The following PDZRN4 variants were observed in gnomAD, a reference collection of about 807,000 sequenced individuals.
PDZRN4 encodes the protein PDZ domain-containing RING finger protein 4.
Under a neutral mutation model 99.0 loss-of-function variants are expected in PDZRN4, and 70 were observed. The ratio of observed to expected loss-of-function variants is 0.71; its 90% CI spans 0.58 to 0.86. PDZRN4 has a LOEUF of 0.86. PDZRN4 is among the 40% of genes least tolerant of loss of function. The pLI is 0.00. For synonymous variants in PDZRN4, 551 were observed against 501.6 expected (o/e 1.10, Z -1.32); for missense variants, 1,474 against 1,331.2 (o/e 1.11, Z -1.67).
intron 3 of PDZRN4, among the ~76,000 whole-genome samples, chr12:41,211,630 A>G (rs1263342308): frequency 6.6e-6 from 1 of 151,972 alleles, no homozygotes; most frequent in Non-Finnish European, 1.5e-5. Flanking sequence ...AAGGAAATTC[A>G]GGAAGAAGAC....
rs151337300 is a variant in PDZRN4 at position 41,548,814 on chromosome 12, C to T, written c.1204-3842C>T. Among the ~76,000 whole-genome samples the T allele has an allele frequency of 1.6e-3, 239 of 152,152 alleles. 1 individual carries two copies. Among genetic ancestry groups the T allele is most frequent in the Non-Finnish European group, 1.6e-3 (107 of 67,982 alleles). ...ACAAAAAAATATAAAAATTTCACAC[C>T]GCTGGAGTACAACCAATGTATGTAA... On this transcript the variant is annotated intron_variant, in intron 5 of 9. Coordinates refer to ENST00000402685, the MANE Select transcript of PDZRN4 (RefSeq NM_001164595.2).
chr12:41,496,887 G>A (rs927077793), intron 3 of PDZRN4, among the ~76,000 whole-genome samples: 5 of 152,058 alleles, frequency 3.3e-5, no homozygotes, highest in African/African-American at 7.2e-5. Flanking sequence ...CATTCAGTGC[G>A]TTTTGTACAG....
intron 3 of PDZRN4, among the ~76,000 whole-genome samples, chr12:41,470,922 G>A (rs2733275): frequency 0.54 from 82,150 of 152,058 alleles, 23,303 homozygotes; most frequent in African/African-American, 0.73. Context: ...AGCCATAGCA[G>A]CCATAGACAA....
chr12:41,392,459 T>C (rs1952216556), intron 3 of PDZRN4, among the ~76,000 whole-genome samples: 1 of 152,218 alleles, frequency 6.6e-6, no homozygotes, highest in Non-Finnish European at 1.5e-5. Flanking sequence ...TTTCACTAAC[T>C]TGATGTCTTA....
At chr12:41,379,530 G>T (rs779649424) in intron 3 of PDZRN4, among the ~76,000 whole-genome samples, 2 of 151,048 alleles carry the variant, frequency 1.3e-5, no homozygotes, top group African/African-American at 2.4e-5. Flanking sequence ...GAACATTTTT[G>T]CTGCATTCCA....
intron 3 of PDZRN4, among the ~76,000 whole-genome samples, chr12:41,468,755 C>T (rs1192464594): frequency 6.6e-6 from 1 of 152,144 alleles, no homozygotes; most frequent in East Asian, 1.9e-4. Flanking sequence ...AATTAAATGT[C>T]CTTTGTAATC....
intron 3 of PDZRN4, among the ~76,000 whole-genome samples, chr12:41,376,738 T>C (rs1952084522): frequency 6.6e-6 from 1 of 152,178 alleles, no homozygotes; most frequent in African/African-American, 2.4e-5. Context: ...TTTGATATCG[T>C]CCACTTACTT....
intron 3 of PDZRN4, among the ~76,000 whole-genome samples, chr12:41,280,658 T>C (rs1394881068): frequency 6.6e-6 from 1 of 152,202 alleles, no homozygotes; most frequent in Non-Finnish European, 1.5e-5. Context: ...AGACTGCCTC[T>C]CTAGAGTCCT....
At chr12:41,335,388 A>G (rs928637250) in intron 3 of PDZRN4, among the ~76,000 whole-genome samples, 1 of 151,942 alleles carries the variant, frequency 6.6e-6, no homozygotes, top group African/African-American at 2.4e-5. Context: ...TACATTAGGT[A>G]TTTGCTATCA....
chr12:41,397,088 G>A (rs1029234515), intron 3 of PDZRN4, among the ~76,000 whole-genome samples: 1 of 152,058 alleles, frequency 6.6e-6, no homozygotes, highest in Non-Finnish European at 1.5e-5. Context: ...GGTGTGTCTA[G>A]TTTGGTGGAT....
chr12:41,297,020 A>G (rs1478652926), intron 3 of PDZRN4, among the ~76,000 whole-genome samples: 2 of 152,172 alleles, frequency 1.3e-5, no homozygotes, highest in East Asian at 3.9e-4. Flanking sequence ...TAATAGTGTA[A>G]AAAAGACTAC....
At chr12:41,319,540 A>G (rs1341518303) in intron 3 of PDZRN4, among the ~76,000 whole-genome samples, 6 of 152,060 alleles carry the variant, frequency 3.9e-5, no homozygotes. Context: ...TCAATGCCAC[A>G]TCTACTGTCT....
intron 3 of PDZRN4, among the ~76,000 whole-genome samples, chr12:41,214,994 G>A (rs968487677): frequency 3.9e-5 from 6 of 152,046 alleles, no homozygotes; most frequent in African/African-American, 1.4e-4. Context: ...AAATCTGTGA[G>A]ATATATTTGT....
intron 3 of PDZRN4, among the ~76,000 whole-genome samples, chr12:41,252,664 C>T (rs372070522): frequency 7.9e-5 from 12 of 152,118 alleles, no homozygotes; most frequent in African/African-American, 2.9e-4. Context: ...TGCTTGAACC[C>T]GGGAGGTGGA....
intron 5 of PDZRN4, among the ~76,000 whole-genome samples, chr12:41,532,220 CA>C (rs1043074461): frequency 5.9e-5 from 9 of 152,052 alleles, no homozygotes; most frequent in African/African-American, 2.2e-4. Flanking sequence ...CATCATAAAT[CA>C]AGTTTCTGTA....
intron 3 of PDZRN4, among the ~76,000 whole-genome samples, chr12:41,504,292 A>T (rs1383928113): frequency 6.6e-6 from 1 of 152,012 alleles, no homozygotes; most frequent in Non-Finnish European, 1.5e-5. Flanking sequence ...AAAAATAAAT[A>T]AATAAATAGT....
chr12:41,491,178 G>A (rs1017342655), intron 3 of PDZRN4, among the ~76,000 whole-genome samples: 1 of 152,018 alleles, frequency 6.6e-6, no homozygotes, highest in Non-Finnish European at 1.5e-5. Flanking sequence ...ACTGTCAGTC[G>A]AGTCCAATTA....
intron 3 of PDZRN4, chr12:41,437,857 C>A: frequency 6.2e-7 from 1 of 1,609,024 alleles, no homozygotes; most frequent in Non-Finnish European, 8.5e-7. Flanking sequence ...AAACAGTAGT[C>A]AAGTCTGGAG....
At chr12:41,544,860 A>G (rs1186475383) in intron 5 of PDZRN4, among the ~76,000 whole-genome samples, 1 of 152,194 alleles carries the variant, frequency 6.6e-6, no homozygotes, top group Admixed American at 6.5e-5. Context: ...AATTCAGACC[A>G]GGTCCCTTAG....
Sources: gnomAD v4.1 joint callset for allele counts (sites outside exome capture counted in the v4.1 genomes callset) on GRCh38, gnomAD v4.1.1 for gene constraint, MANE v1.5 for transcripts, NCBI Gene and HGNC (gene_info 2026-07-23, HGNC 2026-07-21) for gene names.